The following INO80 variants were observed in gnomAD, a reference collection of about 807,000 sequenced individuals.
INO80 encodes the protein chromatin-remodeling ATPase INO80.
INO80 carries 20 observed loss-of-function variants against 203.4 expected under a neutral mutation model. That is an observed-to-expected ratio of 0.10 (90% CI 0.07 to 0.14). INO80 has a LOEUF of 0.14. Ranked by LOEUF, INO80 falls within the 10% of genes least tolerant of loss-of-function variation. The probability of loss-of-function intolerance (pLI) is 1.00; values close to 1 mark genes in which losing one functional copy is unlikely to be tolerated. For missense variants in INO80, 1,419 were observed against 1,914.4 expected, an observed-to-expected ratio of 0.74 and a Z score of 4.83; for synonymous variants, 726 against 685.2, an observed-to-expected ratio of 1.06 and a Z score of -0.93.
At chr15:41,065,794 C>A (rs1596305360) in intron 14 of INO80, among the ~76,000 whole-genome samples, 1 of 152,118 alleles carries the variant, frequency 6.6e-6, no homozygotes, top group African/African-American at 2.4e-5. Context: ...ACAGCATTCA[C>A]AAAGTGTTCA....
chr15:40,997,627 A>C (rs755876012), intron 28 of INO80, 26 bp from the exon 29 acceptor site: 2 of 1,538,528 alleles, frequency 1.3e-6, no homozygotes, highest in Non-Finnish European at 1.8e-6. Context: ...AGATATGTTA[A>C]AGGAAAAACT....
chr15:41,008,768 C>A (rs1351998524), intron 27 of INO80, among the ~76,000 whole-genome samples: 3 of 152,192 alleles, frequency 2.0e-5, no homozygotes, highest in Non-Finnish European at 4.4e-5. Context: ...ACTTGTACCA[C>A]CTGAGGTCTG....
chr15:41,021,672 C>T (rs1230711234), intron 25 of INO80, among the ~76,000 whole-genome samples: 2 of 152,166 alleles, frequency 1.3e-5, no homozygotes, highest in African/African-American at 4.8e-5. Context: ...GGAAGAGAAA[C>T]TTTCTTTCAG....
At chr15:41,065,672 T>C (rs901128684) in intron 14 of INO80, among the ~76,000 whole-genome samples, 2 of 152,166 alleles carry the variant, frequency 1.3e-5, no homozygotes, top group Admixed American at 6.6e-5. Context: ...ATGTGATATA[T>C]ATATACACAA....
At chr15:41,061,542 G>C (rs371822622) in intron 14 of INO80, among the ~76,000 whole-genome samples, 15 of 149,942 alleles carry the variant, frequency 1.0e-4, no homozygotes, top group African/African-American at 3.7e-4. Context: ...AAAATCGCTT[G>C]AACCCAGGAA....
chr15:41,081,051 G>A lies in INO80; in HGVS notation c.896C>T (p.Ala299Val), dbSNP rs757422045. ...LPKANKQKAS[A>V]RNLFLTNSRK... ...GCTATTGGTGAGAAACAGGTTACGA[G>A]CTGAAGCTTTCTGCTTATTTGCCTA... is the stretch of plus-strand genomic sequence containing the variant. Residue 299 changes from alanine (A) to valine (V), a missense_variant, in exon 8 of 36, where the codon GCT becomes GTT. Physicochemically the swap from Ala to Val is moderately conservative, Grantham distance 64 (BLOSUM62 0). Transcript: ENST00000648947. The A allele has an allele frequency of 1.0e-5, 16 of 1,600,750 alleles. No individual in the cohort carries two copies. Among genetic ancestry groups the A allele is most frequent in the African/African-American group, 2.7e-5 (2 of 74,624 alleles).
At position 41,055,101 on chromosome 15, in the gene INO80, T is replaced by C. The variant is rs555199502; in HGVS notation, c.2188+146A>G. On this transcript the variant is annotated intron_variant, in intron 18 of 35. Transcript: ENST00000648947. ...TAAATATGTACAAAAAACAAAATTA[T>C]TTTATAAGCAAAAAATGTGGTTTTC... 2.6e-4 allele frequency: 118 copies of C among 452,626 alleles called. No homozygotes were observed. The East Asian group carries it at 3.4e-3, about 13-fold the overall frequency. 28.0% of individuals were successfully genotyped at this position (452,626 alleles called of 1,614,324 possible).
chr15:41,052,936 C>CAGGGG lies in INO80; in HGVS notation c.2274+988_2274+992dup, dbSNP rs201184404. ...TAGTCCCAGCTACTTGGGAGGCTGA[C>CAGGGG]AGGGGAGGATCACTGGAGCCCAGGT... On this transcript the variant is annotated intron_variant, in intron 19 of 35. Transcript: ENST00000648947. Among the ~76,000 whole-genome samples, 1,035 of 151,350 alleles carry CAGGGG rather than the reference C, an allele frequency of 6.8e-3. 15 individuals are homozygous for CAGGGG. Among genetic ancestry groups the CAGGGG allele is most frequent in the African/African-American group, 0.024 (999 of 41,148 alleles).
chr15:41,069,332 A>T (rs573900563), intron 14 of INO80, among the ~76,000 whole-genome samples: 3 of 150,948 alleles, frequency 2.0e-5, no homozygotes, highest in Non-Finnish European at 4.4e-5. Context: ...ATGCCCGGCT[A>T]ATTTTTTTTT....
At position 41,056,643 on chromosome 15, in the gene INO80, T is replaced by C; in HGVS notation, c.2049A>G (p.Pro683=). The part of the protein sequence containing the change: ...CRNRLLLTGT[P]IQNTMAELWA... The stretch of plus-strand genomic sequence containing the variant: ...CTACCTCTGCCATGGTGTTCTGAAT[T>C]GGGGTCCCGGTTAGCAAAAGCCGAT... Residue 683 remains proline, a synonymous_variant, in exon 17 of 36, where the codon CCA becomes CCG. Coordinates refer to ENST00000648947, the MANE Select transcript of INO80 (RefSeq NM_017553.3). 6.2e-7 allele frequency: 1 copy of C among 1,613,950 alleles called. No individual in the cohort carries two copies. Among genetic ancestry groups the C allele is most frequent in the Non-Finnish European group, 8.5e-7 (1 of 1,179,786 alleles).
At position 40,980,025 on chromosome 15, in the gene INO80, C is replaced by G. The variant is rs878929674; in HGVS notation, c.*198G>C. On this transcript the variant is annotated 3_prime_UTR_variant, in exon 36 of 36. Coordinates refer to ENST00000648947, the MANE Select transcript of INO80 (RefSeq NM_017553.3). ...TCCATGCCCTGTGGCCTTCCTCCTACAGGCACCCCAGATGCTCCTGATGAG... is the reference window on the plus strand; with the variant it reads ...TCCATGCCCTGTGGCCTTCCTCCTAGAGGCACCCCAGATGCTCCTGATGAG... 7 of 594,862 alleles carry G rather than the reference C, an allele frequency of 1.2e-5. No individual in the cohort carries two copies. The highest frequency in any genetic ancestry group is 2.1e-5 in the Non-Finnish European group (7 of 334,086). The allele number at this position is 594,862 out of a possible 1,614,324, so 36.8% of individuals were successfully genotyped here.
At position 41,096,222 on chromosome 15, in the gene INO80, C is replaced by T. The variant is rs369004237; in HGVS notation, c.89G>A (p.Arg30Gln). ...CGTTTGTCGCAGAAAATGGTCCAAC[C>T]GGAGGGCCCTCTCCAAGTACTGAAG... The part of the protein sequence containing the change: ...LYLQYLERAL[R>Q]LDHFLRQTSA... The change falls in exon 2 of 36, where the codon CGG becomes CAG. Residue 30 changes from arginine to glutamine, a missense_variant. Physicochemically the swap from Arg to Gln is conservative, Grantham distance 43 (BLOSUM62 1). Coordinates refer to ENST00000648947, the MANE Select transcript of INO80 (RefSeq NM_017553.3). 21 of 1,613,102 alleles carry T rather than the reference C, an allele frequency of 1.3e-5. No individual in the cohort carries two copies. The highest frequency in any genetic ancestry group is 6.7e-5 in the Admixed American group (4 of 59,646).
intron 28 of INO80, among the ~76,000 whole-genome samples, chr15:41,001,528 A>G (rs1264236333): frequency 6.6e-6 from 1 of 152,206 alleles, no homozygotes; most frequent in South Asian, 2.1e-4. Flanking sequence ...CATGTTTTCC[A>G]AAGAGTCACA....
intron 26 of INO80, among the ~76,000 whole-genome samples, chr15:41,016,562 T>C (rs1398147641): frequency 1.3e-5 from 2 of 152,256 alleles, no homozygotes; most frequent in Non-Finnish European, 2.9e-5. Flanking sequence ...TGCTGTTAAG[T>C]GACCTGAAAA....
At chr15:40,984,085 C>T in intron 33 of INO80, 112 bp downstream of exon 33, 1 of 1,380,696 alleles carries the variant, frequency 7.2e-7, no homozygotes, top group Non-Finnish European at 9.9e-7. Flanking sequence ...CAACCTACTT[C>T]AACAAGGCTG....
At chr15:41,026,897 C>T (rs926644726) in intron 25 of INO80, among the ~76,000 whole-genome samples, 11 of 152,218 alleles carry the variant, frequency 7.2e-5, no homozygotes, top group Admixed American at 4.6e-4. Flanking sequence ...TCCAGCAATG[C>T]TTGTCAGCAA....
intron 14 of INO80, among the ~76,000 whole-genome samples, chr15:41,066,062 T>G (rs1211401866): frequency 2.1e-5 from 3 of 144,488 alleles, no homozygotes; most frequent in Non-Finnish European, 4.5e-5. Context: ...CACCACAACC[T>G]CTGCCTCCTG....
chr15:41,061,391 G>A (rs1164186600), intron 14 of INO80, among the ~76,000 whole-genome samples: 1 of 147,322 alleles, frequency 6.8e-6, no homozygotes, highest in Non-Finnish European at 1.5e-5. Flanking sequence ...TGGATCACGA[G>A]CTCAGGAGAT....
chr15:40,993,522 C>T (rs2043841543), intron 29 of INO80, among the ~76,000 whole-genome samples: 2 of 152,058 alleles, frequency 1.3e-5, no homozygotes. Flanking sequence ...CTTTGGGAGG[C>T]GGAGGCAGGC....
Sources: allele counts gnomAD v4.1 joint callset (sites outside exome capture counted in the v4.1 genomes callset), GRCh38; gene constraint gnomAD v4.1.1; transcripts MANE v1.5; gene names NCBI Gene and HGNC (gene_info 2026-07-23, HGNC 2026-07-21).